Variants in CCSER1 observed in about 807,000 individuals in gnomAD.
The protein encoded by CCSER1 is serine-rich coiled-coil domain-containing protein 1.
Under a neutral mutation model 82.0 loss-of-function variants are expected in CCSER1, and 41 were observed. The observed-to-expected ratio is 0.50, with a 90% CI of 0.39 to 0.65. The LOEUF (loss-of-function observed/expected upper bound fraction) is 0.65, where lower values mean the gene tolerates loss of function less well. CCSER1 is among the 30% of genes least tolerant of loss of function. The probability of loss-of-function intolerance (pLI) is 0.00; values close to 1 mark genes in which losing one functional copy is unlikely to be tolerated. For missense variants in CCSER1, 1,119 were observed against 1,064.2 expected, an observed-to-expected ratio of 1.05 and a Z score of -0.72; for synonymous variants, 414 against 383.9, an observed-to-expected ratio of 1.08 and a Z score of -0.92.
chr4:91,245,776 A>G (rs1581835280), intron 10 of CCSER1, among the ~76,000 whole-genome samples: 1 of 152,170 alleles, frequency 6.6e-6, no homozygotes, highest in Non-Finnish European at 1.5e-5. Context: ...AGCTCACTGT[A>G]ACCTCTGCCT....
At chr4:90,713,430 A>G (rs1346249360) in intron 6 of CCSER1, among the ~76,000 whole-genome samples, 6 of 151,898 alleles carry the variant, frequency 4.0e-5, no homozygotes, top group African/African-American at 9.6e-5. Context: ...ATAAAATTCT[A>G]TGTTGGAAAT....
chr4:90,479,218 G>A (rs1009182876), intron 5 of CCSER1, among the ~76,000 whole-genome samples: 2 of 151,696 alleles, frequency 1.3e-5, no homozygotes, highest in African/African-American at 2.4e-5. Flanking sequence ...TAATATAAAG[G>A]AAGAATATAA....
chr4:90,619,258 A>G (rs567360438), intron 5 of CCSER1, among the ~76,000 whole-genome samples: 162 of 152,120 alleles, frequency 1.1e-3, no homozygotes, highest in African/African-American at 3.8e-3. Flanking sequence ...TCTGTAATTT[A>G]AAATTTCCCA....
chr4:90,605,970 T>G (rs1420591279), intron 5 of CCSER1, among the ~76,000 whole-genome samples: 3 of 152,176 alleles, frequency 2.0e-5, no homozygotes, highest in Non-Finnish European at 4.4e-5. Context: ...ATAATTTTCT[T>G]GATCTTGAGA....
At chr4:90,800,729 T>C (rs1232806027) in intron 7 of CCSER1, among the ~76,000 whole-genome samples, 1 of 133,202 alleles carries the variant, frequency 7.5e-6, no homozygotes, top group Admixed American at 7.4e-5. Context: ...ATGAAACCCA[T>C]GGGTTTTAGG....
intron 4 of CCSER1, among the ~76,000 whole-genome samples, chr4:90,405,432 C>T (rs142545147): frequency 4.6e-5 from 7 of 152,178 alleles, no homozygotes; most frequent in East Asian, 1.9e-4. Context: ...GTTTGGAAAA[C>T]GTATTTGATG....
intron 10 of CCSER1, among the ~76,000 whole-genome samples, chr4:91,196,377 TA>T (rs536659119): frequency 9.4e-4 from 139 of 148,072 alleles, no homozygotes; most frequent in East Asian, 4.9e-3. Flanking sequence ...TAAGGAAGAG[TA>T]AAAAAAAAAT....
At chr4:90,494,782 C>T (rs1768714032) in intron 5 of CCSER1, among the ~76,000 whole-genome samples, 1 of 152,136 alleles carries the variant, frequency 6.6e-6, no homozygotes, top group African/African-American at 2.4e-5. Flanking sequence ...TATACCCTAA[C>T]ACCTATGGTC....
At chr4:91,178,210 T>C (rs1733608198) in intron 10 of CCSER1, among the ~76,000 whole-genome samples, 1 of 152,200 alleles carries the variant, frequency 6.6e-6, no homozygotes, top group African/African-American at 2.4e-5. Context: ...TTACATTTGC[T>C]GAGGAGTGCT....
chr4:90,707,536 A>ATAT (rs534333650), intron 6 of CCSER1, among the ~76,000 whole-genome samples: 14 of 144,654 alleles, frequency 9.7e-5, no homozygotes, highest in South Asian at 8.6e-4. Flanking sequence ...CCTTAAAAAA[A>ATAT]AAATATATAT....
intron 1 of CCSER1, among the ~76,000 whole-genome samples, chr4:90,194,372 T>C (rs1416150670): frequency 6.6e-6 from 1 of 152,054 alleles, no homozygotes; most frequent in Admixed American, 6.6e-5. Context: ...AACTGGCAGC[T>C]CTTGTTATTT....
chr4:90,770,453 C>T (rs2077112043), intron 7 of CCSER1, among the ~76,000 whole-genome samples: 1 of 152,054 alleles, frequency 6.6e-6, no homozygotes, highest in Admixed American at 6.6e-5. Flanking sequence ...ATGGGTCATC[C>T]AAGTCAATAT....
chr4:90,752,369 A>G (rs1231989652), intron 7 of CCSER1, among the ~76,000 whole-genome samples: 1 of 152,078 alleles, frequency 6.6e-6, no homozygotes, highest in East Asian at 1.9e-4. Context: ...TTCATTACAT[A>G]TTTTGCCTTG....
chr4:91,109,339 A>T (rs1020528468), intron 10 of CCSER1, among the ~76,000 whole-genome samples: 1 of 151,980 alleles, frequency 6.6e-6, no homozygotes, highest in Non-Finnish European at 1.5e-5. Flanking sequence ...CTACCTACCT[A>T]CCTTTCTACC....
intron 10 of CCSER1, among the ~76,000 whole-genome samples, chr4:91,212,984 C>T (rs967377644): frequency 2.0e-5 from 3 of 152,076 alleles, no homozygotes; most frequent in Non-Finnish European, 2.9e-5. Context: ...AGTGAGAACA[C>T]GTGGTAGTTT....
intron 9 of CCSER1, among the ~76,000 whole-genome samples, chr4:90,942,590 G>C (rs1323440972): frequency 2.0e-5 from 3 of 151,872 alleles, no homozygotes; most frequent in Non-Finnish European, 4.4e-5. Context: ...TTGTAAACTT[G>C]TGGTCACGTT....
intron 10 of CCSER1, among the ~76,000 whole-genome samples, chr4:91,227,672 C>G (rs536389170): frequency 1.3e-5 from 2 of 151,770 alleles, no homozygotes; most frequent in Non-Finnish European, 2.9e-5. Flanking sequence ...TTTCCCCTCC[C>G]TCCCTTCCCC....
chr4:90,821,610 T>G (rs1759728988), intron 8 of CCSER1, among the ~76,000 whole-genome samples: 1 of 152,156 alleles, frequency 6.6e-6, no homozygotes, highest in Non-Finnish European at 1.5e-5. Flanking sequence ...GAGCTATAGA[T>G]TTAGACCAAA....
intron 5 of CCSER1, among the ~76,000 whole-genome samples, chr4:90,471,384 A>G (rs1202433545): frequency 6.6e-6 from 1 of 152,056 alleles, no homozygotes; most frequent in African/African-American, 2.4e-5. Context: ...GCAGAGAGCT[A>G]TGACCATGCC....
Sources: gnomAD v4.1 joint callset for allele counts (sites outside exome capture counted in the v4.1 genomes callset) on GRCh38, gnomAD v4.1.1 for gene constraint, MANE v1.5 for transcripts, NCBI Gene and HGNC (gene_info 2026-07-23, HGNC 2026-07-21) for gene names.